The following AATF variants were observed in gnomAD, a reference collection of about 807,000 sequenced individuals.
AATF encodes the protein apoptosis antagonizing transcription factor.
AATF carries 48 observed loss-of-function variants against 63.7 expected under a neutral mutation model. That is an observed-to-expected ratio of 0.75 (90% confidence interval 0.60 to 0.96). AATF has a LOEUF of 0.96. Ranked by LOEUF, AATF falls within the 40% of genes least tolerant of loss-of-function variation. AATF has a pLI of 0.00. For synonymous variants in AATF, 258 were observed against 247.7 expected (o/e 1.04, Z -0.39); for missense variants, 639 against 685.7 (o/e 0.93, Z 0.76).
chr17:37,022,046 G>A (rs1037351962), intron 10 of AATF, among the ~76,000 whole-genome samples: 2 of 151,914 alleles, frequency 1.3e-5, no homozygotes, highest in African/African-American at 4.8e-5. Context: ...AGTTTTATAA[G>A]GGTACAGATA....
At chr17:36,994,050 G>A (rs1254690510) in intron 8 of AATF, among the ~76,000 whole-genome samples, 3 of 151,938 alleles carry the variant, frequency 2.0e-5, no homozygotes, top group Non-Finnish European at 2.9e-5. Context: ...TATGTGTGTG[G>A]GCCATAGAAG....
intron 4 of AATF, among the ~76,000 whole-genome samples, chr17:36,955,624 G>A (rs562855338): frequency 6.6e-6 from 1 of 152,208 alleles, no homozygotes; most frequent in African/African-American, 2.4e-5. Context: ...AATGTTTCAC[G>A]ATAAGGCCTG....
In AATF at chr17:37,056,775, G is replaced by T. The variant is rs2071802588; in HGVS notation, c.*111G>T. The T allele has an allele frequency of 1.6e-6, 2 of 1,225,904 alleles. No homozygotes were observed. Among genetic ancestry groups the T allele is most frequent in the African/African-American group, 3.0e-5 (2 of 66,850 alleles). 75.9% of individuals were successfully genotyped at this position (1,225,904 alleles called of 1,614,324 possible). On this transcript the variant is annotated 3_prime_UTR_variant, in exon 12 of 12. Coordinates refer to ENST00000619387, the MANE Select transcript of AATF (RefSeq NM_012138.4). ...GAGCTAGTAGGGAAGCCCCTGGAAA[G>T]ATGCTGCGTTCCGAACCTGTGCCTA...
At chr17:37,048,395 G>C (rs895720762) in intron 11 of AATF, among the ~76,000 whole-genome samples, 1 of 127,884 alleles carries the variant, frequency 7.8e-6, no homozygotes, top group Non-Finnish European at 1.6e-5. Flanking sequence ...TTTTTAGATG[G>C]AGTCTCACTC....
chr17:37,051,806 T>C (rs2071754302), intron 11 of AATF, among the ~76,000 whole-genome samples: 1 of 151,784 alleles, frequency 6.6e-6, no homozygotes, highest in Admixed American at 6.6e-5. Flanking sequence ...TAAGATAATA[T>C]AGTAAAAATA....
intron 10 of AATF, among the ~76,000 whole-genome samples, chr17:37,027,290 T>C (rs2071518136): frequency 6.6e-6 from 1 of 152,184 alleles, no homozygotes; most frequent in South Asian, 2.1e-4. Context: ...TAATATGACG[T>C]CTTACTGTGT....
rs116053615 is a variant in AATF, at chr17:37,020,993, C to A, written c.1526C>A (p.Ala509Asp). The change falls in exon 10 of 12, where the codon GCC becomes GAC. Residue 509 changes from alanine (A) to aspartate (D), a missense_variant. Transcript: ENST00000619387. The part of the protein sequence containing the change: ...SKIHKKVDRK[A>D]SKGRKLRFHV... ...ATCCACAAAAAAGTAGATAGGAAAG[C>A]CAGCAAAGGCAGGAAACTTCGGTGA... 378 of 1,610,658 alleles carry A rather than the reference C, an allele frequency of 2.3e-4. 1 individual carries two copies. In the African/African-American group the frequency reaches 4.6e-3, roughly 20 times the overall value.
At chr17:36,970,782 C>T (rs1351879402) in intron 4 of AATF, among the ~76,000 whole-genome samples, 3 of 151,814 alleles carry the variant, frequency 2.0e-5, no homozygotes, top group Non-Finnish European at 2.9e-5. Context: ...CCTCCTGCCT[C>T]GGCCTCCCAA....
chr17:36,964,643 C>T (rs1025774772), intron 4 of AATF, among the ~76,000 whole-genome samples: 3 of 152,176 alleles, frequency 2.0e-5, no homozygotes, highest in African/African-American at 7.2e-5. Flanking sequence ...CTAGGCCACT[C>T]AAAGGAGAAT....
rs35667791 is a variant in AATF, at chr17:36,962,485, C to A, written c.832+8578C>A. Among the ~76,000 whole-genome samples the A allele has an allele frequency of 6.3e-3, 966 of 152,172 alleles. 9 individuals are homozygous for A. Among genetic ancestry groups the A allele is most frequent in the African/African-American group, 0.022 (895 of 41,492 alleles). On this transcript the variant is annotated intron_variant, in intron 4 of 11. Coordinates refer to ENST00000619387, the MANE Select transcript of AATF (RefSeq NM_012138.4). ...AAGGGCAGCTTAAAAACTACTGATA[C>A]CAATCTAGCTAGAAAATGCATTTCA...
chr17:36,950,496 T>C, intron 2 of AATF, 91 bp downstream of exon 2: 1 of 1,282,944 alleles, frequency 7.8e-7, no homozygotes. Flanking sequence ...TTTGCAAGAG[T>C]AGTCTGCGGA....
chr17:37,009,298 ATTT>A (rs34957243), intron 8 of AATF, among the ~76,000 whole-genome samples: 2 of 128,616 alleles, frequency 1.6e-5, no homozygotes, highest in Non-Finnish European at 1.6e-5. Flanking sequence ...TGCCCGGCTA[ATTT>A]TTTTTTTTTT....
At chr17:37,025,067 G>A (rs2071500929) in intron 10 of AATF, among the ~76,000 whole-genome samples, 1 of 152,164 alleles carries the variant, frequency 6.6e-6, no homozygotes, top group African/African-American at 2.4e-5. Context: ...TTATACAGGT[G>A]AGTAGTTCTT....
chr17:37,056,658 G>T lies in AATF; in HGVS notation c.1677G>T (p.Gly559=). The T allele has an allele frequency of 1.9e-6, 3 of 1,614,042 alleles. No individual in the cohort carries two copies. Among genetic ancestry groups the T allele is most frequent in the Non-Finnish European group, 2.5e-6 (3 of 1,179,976 alleles). ...TCCACCCTCCCGACGAAGGCCACGG[G>T]GATTGACATCGCCCACCTCCGACAC... The part of the protein sequence containing the change: ...GQLHPPDEGH[G]D Residue 559 remains glycine (G), a synonymous_variant, in exon 12 of 12, where the codon GGG becomes GGT. Coordinates refer to ENST00000619387, the MANE Select transcript of AATF (RefSeq NM_012138.4).
In AATF at chr17:36,968,266, CTTTCTTTTTT is replaced by C. The variant is rs2071009556; in HGVS notation, c.832+14363_832+14372del. 2.6e-5 allele frequency among the ~76,000 whole-genome samples: 2 copies of C among 75,572 alleles called. 1 individual carries two copies. The highest frequency in any genetic ancestry group is 1.1e-4 in the African/African-American group (2 of 18,466). The allele number at this position is 75,572 out of a possible 152,430, so 49.6% of individuals were successfully genotyped here. ...CTTTTTTCTTTTTCTTTCTTTCCTT[CTTTCTTTTTT>C]TTTTTTTTTTTTTTTTTTTTTTTTG... On this transcript the variant is annotated intron_variant, in intron 4 of 11. Transcript: ENST00000619387.
At chr17:37,019,482 T>C (rs997083977) in intron 9 of AATF, among the ~76,000 whole-genome samples, 1 of 152,182 alleles carries the variant, frequency 6.6e-6, no homozygotes, top group Non-Finnish European at 1.5e-5. Flanking sequence ...TCTGCCCTAA[T>C]TTAGACCTCC....
At chr17:37,014,968 C>T (rs2071418414) in intron 8 of AATF, among the ~76,000 whole-genome samples, 2 of 151,892 alleles carry the variant, frequency 1.3e-5, no homozygotes, top group African/African-American at 2.4e-5. Context: ...CAAAGTATAC[C>T]CTCTCCCACT....
chr17:37,049,497 C>A (rs1412541307), intron 11 of AATF, among the ~76,000 whole-genome samples: 8 of 151,282 alleles, frequency 5.3e-5, no homozygotes, highest in Non-Finnish European at 1.0e-4. Context: ...CCCAGGTACT[C>A]GGGAAGCTGA....
At chr17:37,000,459 G>T (rs999679096) in intron 8 of AATF, among the ~76,000 whole-genome samples, 5 of 152,142 alleles carry the variant, frequency 3.3e-5, no homozygotes, top group Non-Finnish European at 5.9e-5. Flanking sequence ...GTGGACCTAT[G>T]TTGGCTTTAT....
Sources: gnomAD v4.1 joint callset for allele counts (sites outside exome capture counted in the v4.1 genomes callset) on GRCh38, gnomAD v4.1.1 for gene constraint, MANE v1.5 for transcripts, NCBI Gene and HGNC (gene_info 2026-07-23, HGNC 2026-07-21) for gene names.